The following RRAS2 variants were observed in gnomAD, a reference collection of about 807,000 sequenced individuals.
RRAS2 encodes ras-related protein R-Ras2.
Under a neutral mutation model 27.6 loss-of-function variants are expected in RRAS2, and 7 were observed. The observed-to-expected ratio is 0.25, with a 90% CI of 0.14 to 0.48. RRAS2 has a LOEUF of 0.48. RRAS2 is among the 20% of genes least tolerant of loss of function. RRAS2 has a pLI of 0.99. For synonymous variants in RRAS2, 86 were observed against 90.9 expected (o/e 0.95, Z 0.31); for missense variants, 178 against 256.2 (o/e 0.69, Z 2.08).
intron 1 of RRAS2, among the ~76,000 whole-genome samples, chr11:14,344,671 T>C (rs1848790965): frequency 6.6e-6 from 1 of 152,136 alleles, no homozygotes; most frequent in Admixed American, 6.5e-5. Flanking sequence ...CATCAGGAAA[T>C]AAAACAAAAG....
chr11:14,283,461 G>C (rs1356998253), intron 4 of RRAS2, among the ~76,000 whole-genome samples: 1 of 152,116 alleles, frequency 6.6e-6, no homozygotes, highest in Non-Finnish European at 1.5e-5. Flanking sequence ...CAATGTTCTG[G>C]AACACTTTGT....
chr11:14,308,725 G>GT (rs1475869878), intron 1 of RRAS2, among the ~76,000 whole-genome samples: 5 of 152,160 alleles, frequency 3.3e-5, no homozygotes, highest in Admixed American at 6.5e-5. Context: ...ACTTTCAAGA[G>GT]TTTTTTACAA....
chr11:14,358,324 T>C lies in RRAS2; in HGVS notation c.108+439A>G, dbSNP rs926116320. On this transcript the variant is annotated intron_variant, in intron 1 of 5. Transcript: ENST00000256196. This position sits in a 1 kb window ranked among gnomAD's most constrained non-coding sequence, Gnocchi z 5.1. ...GAGACCACGCGGAGCCGCGGCCAAG[T>C]TGCCACCGCTATCGCCCCGACGGTG... is the stretch of plus-strand genomic sequence containing the variant. 1.0e-6 allele frequency: 1 copy of C among 985,460 alleles called. No homozygotes were observed. Among genetic ancestry groups the C allele is most frequent in the Non-Finnish European group, 1.2e-6 (1 of 829,994 alleles). The allele number at this position is 985,460 out of a possible 1,614,324, so 61.0% of individuals were successfully genotyped here. A position where few individuals can be genotyped will look rare whatever the true frequency, so the allele number is the denominator to read the frequency against.
chr11:14,352,783 A>AGG (rs1848990518), intron 1 of RRAS2, among the ~76,000 whole-genome samples: 2 of 148,632 alleles, frequency 1.3e-5, no homozygotes, highest in East Asian at 4.0e-4. Flanking sequence ...AGAGAGAGGG[A>AGG]GAGAGAGAGA....
chr11:14,294,698 A>G (rs552786375), intron 3 of RRAS2, 62 bp downstream of exon 3: 2 of 1,548,930 alleles, frequency 1.3e-6, no homozygotes, highest in African/African-American at 2.7e-5. Flanking sequence ...AAAAGTCCAA[A>G]CTCAATAAAG....
intron 1 of RRAS2, chr11:14,308,338 C>A: frequency 2.3e-6 from 1 of 432,332 alleles, no homozygotes; most frequent in Non-Finnish European, 4.6e-6. Context: ...TAAACATAAA[C>A]TCTTTAGTAA....
chr11:14,340,800 A>C (rs1848690014), intron 1 of RRAS2, among the ~76,000 whole-genome samples: 1 of 152,094 alleles, frequency 6.6e-6, no homozygotes, highest in South Asian at 2.1e-4. Flanking sequence ...CACCTTCCCC[A>C]ACCTTCCACC....
intron 1 of RRAS2, among the ~76,000 whole-genome samples, chr11:14,321,079 C>T (rs1333367745): frequency 6.6e-6 from 1 of 151,790 alleles, no homozygotes; most frequent in African/African-American, 2.4e-5. Flanking sequence ...ACTTGGGAGG[C>T]TGAGGCAGGA....
intron 1 of RRAS2, among the ~76,000 whole-genome samples, chr11:14,333,543 C>T (rs558109761): frequency 6.6e-6 from 1 of 152,106 alleles, no homozygotes; most frequent in Non-Finnish European, 1.5e-5. Flanking sequence ...CCACTCTTAG[C>T]TTGTGTCCTG....
At chr11:14,355,835 TGCTGTGTTCTCTC>T (rs1554955351) in intron 1 of RRAS2, among the ~76,000 whole-genome samples, 3 of 152,228 alleles carry the variant, frequency 2.0e-5, no homozygotes, top group African/African-American at 4.8e-5. Flanking sequence ...ATGATTAGTC[TGCTGTGTTCTCTC>T]CCTCCAGTTA....
rs539338125 is a variant in RRAS2, at chr11:14,351,062, G to C, written c.108+7701C>G. On this transcript the variant is annotated intron_variant, in intron 1 of 5. Coordinates refer to ENST00000256196, the MANE Select transcript of RRAS2 (RefSeq NM_012250.6). Reference sequence around the variant, plus strand: ...AGATTTGGGACTGCTGAGTCAAAAGGCATGTATGTGGTCAAATAAACACAT... The same window carrying C: ...AGATTTGGGACTGCTGAGTCAAAAGCCATGTATGTGGTCAAATAAACACAT... Among the ~76,000 whole-genome samples the C allele has an allele frequency of 1.3e-3, 198 of 152,236 alleles. 1 individual carries two copies. The highest frequency in any genetic ancestry group is 2.5e-3 in the South Asian group (12 of 4,822).
At chr11:14,311,265 G>A (rs1487063755) in intron 1 of RRAS2, among the ~76,000 whole-genome samples, 3 of 152,206 alleles carry the variant, frequency 2.0e-5, no homozygotes, top group Non-Finnish European at 2.9e-5. Flanking sequence ...GACCACTTGA[G>A]CCCAGCAGTT....
intron 1 of RRAS2, among the ~76,000 whole-genome samples, chr11:14,324,583 T>G (rs1848305912): frequency 6.6e-6 from 1 of 152,178 alleles, no homozygotes. Flanking sequence ...GAACCTAAAA[T>G]TTATAAGCAA....
chr11:14,327,600 T>C (rs1848389658), intron 1 of RRAS2, among the ~76,000 whole-genome samples: 1 of 152,242 alleles, frequency 6.6e-6, no homozygotes, highest in Non-Finnish European at 1.5e-5. Flanking sequence ...TCTCTTCACT[T>C]GATTTCATGT....
intron 1 of RRAS2, among the ~76,000 whole-genome samples, chr11:14,320,836 A>C (rs1848205755): frequency 6.6e-6 from 1 of 152,226 alleles, no homozygotes; most frequent in Admixed American, 6.5e-5. Context: ...AATGTGGGAA[A>C]ACTATAAAAA....
At chr11:14,345,437 C>T (rs1293687270) in intron 1 of RRAS2, among the ~76,000 whole-genome samples, 1 of 152,100 alleles carries the variant, frequency 6.6e-6, no homozygotes, top group Non-Finnish European at 1.5e-5. Flanking sequence ...AGACAAAGCA[C>T]ACCAAATATA....
chr11:14,343,646 C>T (rs1554953609), intron 1 of RRAS2, among the ~76,000 whole-genome samples: 1 of 151,876 alleles, frequency 6.6e-6, no homozygotes, highest in African/African-American at 2.4e-5. Flanking sequence ...GCCTGGGCAG[C>T]ACGGCGAAAC....
At chr11:14,343,264 A>G (rs574686041) in intron 1 of RRAS2, among the ~76,000 whole-genome samples, 15 of 152,356 alleles carry the variant, frequency 9.8e-5, no homozygotes, top group African/African-American at 1.4e-4. Flanking sequence ...ATTGTCTCTA[A>G]ATATAAAATT....
At chr11:14,295,401 T>C (rs538694015) in intron 2 of RRAS2, among the ~76,000 whole-genome samples, 2 of 152,310 alleles carry the variant, frequency 1.3e-5, no homozygotes, top group South Asian at 2.1e-4. Flanking sequence ...GTGCTATAAA[T>C]TCTAAGTAAC....
Sources: allele counts gnomAD v4.1 joint callset (sites outside exome capture counted in the v4.1 genomes callset), GRCh38; gene constraint gnomAD v4.1.1; non-coding constraint Gnocchi (gnomAD v3.1); transcripts MANE v1.5; gene names NCBI Gene and HGNC (gene_info 2026-07-23, HGNC 2026-07-21).